Variants in ORC4 observed in about 807,000 individuals in gnomAD.
ORC4 encodes the protein origin recognition complex subunit 4.
A neutral mutation model predicts 63.9 loss-of-function variants in ORC4; 55 were observed. The observed-to-expected ratio is 0.86, with a 90% CI of 0.69 to 1.08. The LOEUF (loss-of-function observed/expected upper bound fraction) is 1.08, where lower values mean the gene tolerates loss of function less well. Among genes scored for constraint, ORC4 ranks in the 50% least tolerant of loss-of-function variants. ORC4 has a pLI of 0.00. For synonymous variants in ORC4, 150 were observed against 168.5 expected (o/e 0.89, Z 0.85); for missense variants, 511 against 504.4 (o/e 1.01, Z -0.13).
intron 7 of ORC4, among the ~76,000 whole-genome samples, chr2:147,953,630 C>T (rs1689088410): frequency 6.6e-6 from 1 of 152,100 alleles, no homozygotes; most frequent in Admixed American, 6.6e-5. Flanking sequence ...TCAACTAAAG[C>T]CACTTAAACT....
chr2:147,989,348 C>T (rs570785762), intron 1 of ORC4, among the ~76,000 whole-genome samples: 57 of 152,258 alleles, frequency 3.7e-4, no homozygotes, highest in African/African-American at 1.3e-3. Context: ...CTGCATACCT[C>T]AGAGCTCAGA....
At chr2:147,999,758 G>A (rs1340257221) in intron 1 of ORC4, among the ~76,000 whole-genome samples, 3 of 152,084 alleles carry the variant, frequency 2.0e-5, no homozygotes, top group Non-Finnish European at 2.9e-5. Context: ...CTCTAAAATA[G>A]CTTTCTAATG....
intron 4 of ORC4, among the ~76,000 whole-genome samples, chr2:147,969,776 A>C (rs902322294): frequency 6.6e-6 from 1 of 152,072 alleles, no homozygotes; most frequent in Non-Finnish European, 1.5e-5. Context: ...TTTAGTGAAC[A>C]ATACCCTCTA....
chr2:147,970,615 C>CAA (rs58097452), intron 4 of ORC4, among the ~76,000 whole-genome samples: 69 of 118,794 alleles, frequency 5.8e-4, no homozygotes, highest in South Asian at 1.1e-3. Flanking sequence ...CATTCATTTG[C>CAA]AAAAAAAAAA....
At chr2:148,009,604 A>C (rs1692830595) in intron 1 of ORC4, among the ~76,000 whole-genome samples, 1 of 152,224 alleles carries the variant, frequency 6.6e-6, no homozygotes, top group Non-Finnish European at 1.5e-5. Flanking sequence ...AGTTAAGGAG[A>C]CAGAACCCAA....
At chr2:147,957,173 T>G in intron 6 of ORC4, among the ~76,000 whole-genome samples, 1 of 147,578 alleles carries the variant, frequency 6.8e-6, no homozygotes. Flanking sequence ...ATATATAATC[T>G]ATTAGATAAT....
chr2:147,986,816 A>G lies in ORC4; in HGVS notation c.-17-10841T>C, dbSNP rs553031284. On this transcript the variant is annotated intron_variant, in intron 1 of 13. Transcript: ENST00000392857. Reference sequence around the variant, plus strand: ...ACACACACACACACACACACACACTAGTGACCTTTGAATCCACTAAAATAA... The same window carrying G: ...ACACACACACACACACACACACACTGGTGACCTTTGAATCCACTAAAATAA... 5.7e-5 allele frequency among the ~76,000 whole-genome samples: 6 copies of G among 104,490 alleles called. No individual in the cohort carries two copies. In the East Asian group the frequency reaches 1.8e-3, roughly 32 times the overall value. 68.5% of individuals were successfully genotyped at this position (104,490 alleles called of 152,430 possible).
At chr2:147,996,763 AGT>A (rs1691999905) in intron 1 of ORC4, among the ~76,000 whole-genome samples, 1 of 152,236 alleles carries the variant, frequency 6.6e-6, no homozygotes, top group Admixed American at 6.5e-5. Flanking sequence ...ACCAAATACT[AGT>A]GAGAAGGTAG....
intron 6 of ORC4, among the ~76,000 whole-genome samples, chr2:147,956,300 T>C (rs967470879): frequency 6.6e-6 from 1 of 152,104 alleles, no homozygotes; most frequent in Non-Finnish European, 1.5e-5. Context: ...CCAAGAGGTG[T>C]TATCCATAAT....
At chr2:147,973,179 T>C (rs1172152898) in intron 3 of ORC4, among the ~76,000 whole-genome samples, 3 of 152,166 alleles carry the variant, frequency 2.0e-5, no homozygotes, top group Non-Finnish European at 2.9e-5. Context: ...TGCTGGGTAT[T>C]AAGGGCAAGA....
At chr2:147,980,369 T>C (rs1428311210) in intron 1 of ORC4, among the ~76,000 whole-genome samples, 1 of 152,138 alleles carries the variant, frequency 6.6e-6, no homozygotes, top group African/African-American at 2.4e-5. Flanking sequence ...GGTTATACGC[T>C]AATACCATGC....
chr2:147,972,309 TAGTTCCCTA>T (rs1690261648), intron 4 of ORC4, among the ~76,000 whole-genome samples: 1 of 152,082 alleles, frequency 6.6e-6, no homozygotes, highest in Non-Finnish European at 1.5e-5. Context: ...CATGATATGA[TAGTTCCCTA>T]ACCTATAACA....
chr2:147,964,310 T>C (rs1158337289), intron 4 of ORC4, among the ~76,000 whole-genome samples: 1 of 151,474 alleles, frequency 6.6e-6, no homozygotes, highest in Non-Finnish European at 1.5e-5. Flanking sequence ...ATGAATGAAA[T>C]AGAAAATACA....
chr2:147,997,054 A>C (rs1160132941), intron 1 of ORC4, among the ~76,000 whole-genome samples: 1 of 152,174 alleles, frequency 6.6e-6, no homozygotes, highest in Admixed American at 6.5e-5. Flanking sequence ...CATCCATACA[A>C]TGGAATCTTA....
At chr2:148,006,737 T>C (rs1368697695) in intron 1 of ORC4, among the ~76,000 whole-genome samples, 1 of 152,188 alleles carries the variant, frequency 6.6e-6, no homozygotes, top group Non-Finnish European at 1.5e-5. Context: ...ACCTGCTAAC[T>C]AAAGTGGCCT....
chr2:147,965,569 G>A (rs988480044), intron 4 of ORC4, among the ~76,000 whole-genome samples: 16 of 152,150 alleles, frequency 1.1e-4, no homozygotes, highest in Non-Finnish European at 1.3e-4. Context: ...ACACTCAGAT[G>A]TATAAAGCAA....
intron 1 of ORC4, among the ~76,000 whole-genome samples, chr2:147,979,626 A>C (rs1690751644): frequency 6.6e-6 from 1 of 152,202 alleles, no homozygotes; most frequent in Non-Finnish European, 1.5e-5. Context: ...TAGCTAAGAC[A>C]ATCATGAGCT....
chr2:147,992,973 G>A (rs577762691), intron 1 of ORC4, among the ~76,000 whole-genome samples: 1 of 152,284 alleles, frequency 6.6e-6, no homozygotes, highest in African/African-American at 2.4e-5. Context: ...CTGTTTGATT[G>A]TAGGTCATAG....
At chr2:147,936,962 G>A (rs1305393687) in intron 13 of ORC4, 1 of 144,660 alleles carries the variant, frequency 6.9e-6, no homozygotes, top group African/African-American at 2.6e-5. Context: ...AGGTTGCAGT[G>A]AGCCAAGATT....
Sources: allele counts gnomAD v4.1 joint callset (sites outside exome capture counted in the v4.1 genomes callset), GRCh38; gene constraint gnomAD v4.1.1; transcripts MANE v1.5; gene names NCBI Gene and HGNC (gene_info 2026-07-23, HGNC 2026-07-21).